LRRC74A: variants seen among roughly 807,000 people sequenced by gnomAD.
LRRC74A encodes leucine-rich repeat-containing protein 74A.
Under a neutral mutation model 57.9 loss-of-function variants are expected in LRRC74A, and 44 were observed. The observed-to-expected ratio is 0.76, with a 90% confidence interval of 0.60 to 0.98. LRRC74A has a LOEUF of 0.98. Ranked by LOEUF, LRRC74A falls within the 50% of genes least tolerant of loss-of-function variation. LRRC74A has a pLI of 0.00. For synonymous variants in LRRC74A, 211 were observed against 219.4 expected, an observed-to-expected ratio of 0.96 and a Z score of 0.34; for missense variants, 572 against 574.0, an observed-to-expected ratio of 1.00 and a Z score of 0.04.
In LRRC74A at chr14:76,831,485, T is replaced by C. The variant is rs915526191; in HGVS notation, c.339+110T>C. 9.5e-6 allele frequency: 11 copies of C among 1,155,290 alleles called. No homozygotes were observed. The Admixed American group carries it at 1.1e-4, about 11-fold the overall frequency. The allele number at this position is 1,155,290 out of a possible 1,614,324, so 71.6% of individuals were successfully genotyped here. A position where few individuals can be genotyped will look rare whatever the true frequency, so the allele number is the denominator to read the frequency against. ...CTATGGAGCCTAAACCCACACTTTA[T>C]GCCCTTATGCCACACTGCCCTGGGC... On this transcript the variant is annotated intron_variant, in intron 3 of 13. Transcript: ENST00000689127.
rs545681468 is a variant in LRRC74A, at chr14:76,859,261, G to A, written c.1054-1432G>A. Among the ~76,000 whole-genome samples the A allele has an allele frequency of 8.5e-5, 13 of 152,222 alleles. No homozygotes were observed. In the South Asian group the frequency reaches 1.7e-3, roughly 19 times the overall value. Reference sequence around the variant, plus strand: ...GAACATTAGAAATGTTCTCTCAGGCGCGGTGACTCACGCCTGTAATCCCAG... The same window carrying A: ...GAACATTAGAAATGTTCTCTCAGGCACGGTGACTCACGCCTGTAATCCCAG... On this transcript the variant is annotated intron_variant, in intron 10 of 13. Transcript: ENST00000689127.
intron 13 of LRRC74A, among the ~76,000 whole-genome samples, chr14:76,869,276 G>T (rs1899231362): frequency 6.6e-6 from 1 of 152,234 alleles, no homozygotes; most frequent in East Asian, 1.9e-4. Context: ...TCGAGAGACA[G>T]AACTGGGGTC....
At chr14:76,837,768 C>A (rs1291686454) in intron 4 of LRRC74A, 107 bp from the exon 5 acceptor site, 5 of 629,682 alleles carry the variant, frequency 7.9e-6, no homozygotes, top group Non-Finnish European at 1.4e-5. Flanking sequence ...CCACCCCAAC[C>A]CTACTCCCTC....
rs779386399 is a variant in LRRC74A at position 76,870,165 on chromosome 14, A to G, written c.*16A>G. ...GAAGCCATAGCAACAAGTCTGGTCTAGAAAGAAGTCTCGGCGAGAGGAGTC... is the reference window on the plus strand; with the variant it reads ...GAAGCCATAGCAACAAGTCTGGTCTGGAAAGAAGTCTCGGCGAGAGGAGTC... On this transcript the variant is annotated 3_prime_UTR_variant, in exon 14 of 14. Transcript: ENST00000689127. The G allele has an allele frequency of 6.2e-6, 10 of 1,609,876 alleles. No homozygotes were observed. The South Asian group carries it at 1.1e-4, about 18-fold the overall frequency.
chr14:76,859,534 CA>C (rs562270049), intron 10 of LRRC74A, among the ~76,000 whole-genome samples: 332 of 91,488 alleles, frequency 3.6e-3, no homozygotes, highest in African/African-American at 9.5e-3. Context: ...AACTCCATCT[CA>C]AAAAAAAAAA....
intron 10 of LRRC74A, among the ~76,000 whole-genome samples, chr14:76,860,446 T>G (rs1418293724): frequency 6.6e-6 from 1 of 152,206 alleles, no homozygotes; most frequent in Non-Finnish European, 1.5e-5. Flanking sequence ...GGAGCTGAAC[T>G]GGCAGCAGGT....
At chr14:76,864,094 C>T (rs914026070) in intron 11 of LRRC74A, among the ~76,000 whole-genome samples, 2 of 152,152 alleles carry the variant, frequency 1.3e-5, no homozygotes, top group Non-Finnish European at 2.9e-5. Flanking sequence ...CAGTGGGTGC[C>T]GAGGGCTCAC....
Position 76,828,422 on chromosome 14 carries a change from G to A in LRRC74A, c.166+3G>A, listed in dbSNP as rs749091853. 24 of 1,613,834 alleles carry A rather than the reference G, an allele frequency of 1.5e-5. No homozygotes were observed. Among genetic ancestry groups the A allele is most frequent in the South Asian group, 9.9e-5 (9 of 91,090 alleles). On this transcript the variant is annotated splice_donor_region_variant and intron_variant, in intron 2 of 13. Transcript: ENST00000689127. ...GGAAACAGACCTGGAGATTGAAGGC[G>A]AGCATGGGCATTTGGGGGCAGTCAG...
intron 10 of LRRC74A, among the ~76,000 whole-genome samples, chr14:76,859,816 C>T (rs907259651): frequency 2.6e-5 from 4 of 151,968 alleles, no homozygotes; most frequent in East Asian, 1.9e-4. Flanking sequence ...GCTGGGATTA[C>T]AGGCACCCAC....
chr14:76,831,691 A>G (rs1895985875), intron 3 of LRRC74A, among the ~76,000 whole-genome samples: 1 of 152,158 alleles, frequency 6.6e-6, no homozygotes, highest in Non-Finnish European at 1.5e-5. Flanking sequence ...ACCAGGCCCA[A>G]TTATCAATGT....
chr14:76,836,164 A>G, intron 3 of LRRC74A, 43 bp from the exon 4 acceptor site: 1 of 1,468,044 alleles, frequency 6.8e-7, no homozygotes, highest in Non-Finnish European at 9.5e-7. Context: ...CTGGGTCACC[A>G]ACCACTTCTG....
At position 76,837,903 on chromosome 14, in the gene LRRC74A, AG is replaced by A. The variant is rs1896476501; in HGVS notation, c.481del (p.Ala161ProfsTer56). The A allele has an allele frequency of 1.9e-6, 3 of 1,591,896 alleles. No homozygotes were observed. The highest frequency in any genetic ancestry group is 1.1e-5 in the South Asian group (1 of 87,424). ...ATTTCCAACAATCACCTTGGTTTGG[AG>A]GGGGCCAGAATCATCTCAGATTTCT... ...MNISNNHLGL[E>X]GARIISDFFE... On this transcript the variant is annotated frameshift_variant, in exon 5 of 14. Coordinates refer to ENST00000689127, the MANE Select transcript of LRRC74A (RefSeq NM_001385106.1). LOFTEE classifies it high-confidence loss of function.
At position 76,831,273 on chromosome 14, in the gene LRRC74A, G is replaced by A. The variant is rs759090407; in HGVS notation, c.237G>A (p.Val79=). The stretch of plus-strand genomic sequence containing the variant: ...AGGCCTGCAAGCTGATGGGTGTAGT[G>A]CCTGTCTCCTACTTCATTCGGAACA... The part of the protein sequence containing the change: ...YLEACKLMGV[V]PVSYFIRNME... Residue 79 remains valine (V), a synonymous_variant, in exon 3 of 14, where the codon GTG becomes GTA. Coordinates refer to ENST00000689127, the MANE Select transcript of LRRC74A (RefSeq NM_001385106.1). 6.2e-7 allele frequency: 1 copy of A among 1,614,024 alleles called. No individual in the cohort carries two copies. The highest frequency in any genetic ancestry group is 1.7e-5 in the Admixed American group (1 of 60,028).
At chr14:76,850,189 C>G (rs538226783) in intron 7 of LRRC74A, among the ~76,000 whole-genome samples, 2 of 152,314 alleles carry the variant, frequency 1.3e-5, no homozygotes, top group African/African-American at 4.8e-5. Flanking sequence ...GCCTGGGCGA[C>G]AGACGGAGAC....
At chr14:76,865,579 A>C (rs11627872) in intron 11 of LRRC74A, among the ~76,000 whole-genome samples, 15,004 of 152,254 alleles carry the variant, frequency 0.099, 857 homozygotes, top group Non-Finnish European at 0.11. Context: ...CACACCATCT[A>C]TACCAGTGTT....
In LRRC74A at chr14:76,853,387, A is replaced by G; in HGVS notation, c.934A>G (p.Asn312Asp). ...CAAAATCAGCAAAGGACTGGAATCC[A>G]ATGAAAGCCTCAGAGTTCTGAAGGT... is the stretch of plus-strand genomic sequence containing the variant. ...ASKISKGLES[N>D]ESLRVLKLFL... Residue 312 changes from asparagine to aspartate, a missense_variant, in exon 9 of 14, where the codon AAT (asparagine) becomes GAT (aspartate). By Grantham distance (23) the Asn-to-Asp change is conservative (BLOSUM62 1). Transcript: ENST00000689127. 2.5e-6 allele frequency: 4 copies of G among 1,611,336 alleles called. 1 individual carries two copies. The South Asian group carries it at 4.4e-5, about 18-fold the overall frequency.
chr14:76,833,347 A>G (rs996546387), intron 3 of LRRC74A, among the ~76,000 whole-genome samples: 1 of 152,032 alleles, frequency 6.6e-6, no homozygotes, highest in African/African-American at 2.4e-5. Context: ...CCTTACCCAC[A>G]GTTTCACTGT....
intron 5 of LRRC74A, among the ~76,000 whole-genome samples, chr14:76,842,592 G>A (rs1009200723): frequency 2.6e-5 from 4 of 152,180 alleles, no homozygotes; most frequent in Non-Finnish European, 5.9e-5. Flanking sequence ...GCATTGACTA[G>A]CTTATTATCT....
Position 76,833,020 on chromosome 14 carries a change from G to T in LRRC74A, c.339+1645G>T, listed in dbSNP as rs567977561. Among the ~76,000 whole-genome samples the T allele has an allele frequency of 2.0e-5, 3 of 152,246 alleles. No individual in the cohort carries two copies. In the East Asian group the frequency reaches 5.8e-4, roughly 29 times the overall value. ...TGATCAATTTTATAAAGTTGATAGG[G>T]ACAGTTTCAGGACTGAGAAATAATT... On this transcript the variant is annotated intron_variant, in intron 3 of 13. Coordinates refer to ENST00000689127, the MANE Select transcript of LRRC74A (RefSeq NM_001385106.1).
Sources: allele counts gnomAD v4.1 joint callset (sites outside exome capture counted in the v4.1 genomes callset), GRCh38; gene constraint gnomAD v4.1.1; transcripts MANE v1.5; gene names NCBI Gene and HGNC (gene_info 2026-07-23, HGNC 2026-07-21).